NSUN3: variants seen among roughly 807,000 people sequenced by gnomAD.
NSUN3 encodes NOP2/Sun RNA methyltransferase 3, also known as tRNA (cytosine(34)-C(5))-methyltransferase, mitochondrial.
In NSUN3, 24 loss-of-function variants were observed where a neutral mutation model predicts 36.8. The observed-to-expected ratio is 0.65, with a 90% CI of 0.47 to 0.92. The LOEUF (loss-of-function observed/expected upper bound fraction) is 0.92. Among genes scored for constraint, NSUN3 ranks in the 40% least tolerant of loss-of-function variants. NSUN3 has a pLI of 0.00. For missense variants in NSUN3, 381 were observed against 392.8 expected (o/e 0.97, Z 0.25); for synonymous variants, 146 against 145.2 (o/e 1.01, Z -0.04).
At chr3:94,081,637 A>G (rs963472795) in intron 2 of NSUN3, 2 of 152,192 alleles carry the variant, frequency 1.3e-5, no homozygotes, top group Non-Finnish European at 2.9e-5. Flanking sequence ...TCAAGATTTA[A>G]CATATTGGAT....
chr3:94,079,278 A>G (rs1049003660), intron 2 of NSUN3, among the ~76,000 whole-genome samples: 2 of 152,136 alleles, frequency 1.3e-5, no homozygotes, highest in Non-Finnish European at 2.9e-5. Context: ...TGGCTTGTAC[A>G]ATTTCTGCCG....
intron 5 of NSUN3, among the ~76,000 whole-genome samples, chr3:94,114,698 G>T (rs1056676161): frequency 6.6e-6 from 1 of 152,120 alleles, no homozygotes; most frequent in Non-Finnish European, 1.5e-5. Context: ...TTTGGGATAC[G>T]ATTGATCCCA....
intron 5 of NSUN3, among the ~76,000 whole-genome samples, chr3:94,119,408 C>T (rs768649606): frequency 2.6e-5 from 4 of 152,052 alleles, no homozygotes; most frequent in Non-Finnish European, 4.4e-5. Flanking sequence ...TGGTTCAGTT[C>T]GTAAGAAAAA....
In NSUN3 at chr3:94,064,458, A is replaced by G. The variant is rs745745571; in HGVS notation, c.34A>G (p.Lys12Glu). 4 of 1,613,628 alleles carry G rather than the reference A, an allele frequency of 2.5e-6. No homozygotes were observed. Among genetic ancestry groups the G allele is most frequent in the Non-Finnish European group, 3.4e-6 (4 of 1,179,618 alleles). ...LTQLKAKSEG[K>E]LAKQICKVVL... is the part of the protein sequence containing the mutation. ...ATAGCTGAAAGCAAAATCAGAGGGG[A>G]AGCTTGCAAAACAGATTTGCAAAGT... is the stretch of plus-strand genomic sequence containing the variant. Residue 12 changes from lysine to glutamate, a missense_variant, in exon 2 of 6, where the codon AAG (lysine) becomes GAG (glutamate). Lys to Glu is a moderately conservative substitution (Grantham distance 56, BLOSUM62 1). Transcript: ENST00000314622.
intron 5 of NSUN3, among the ~76,000 whole-genome samples, chr3:94,118,716 C>A (rs1468359369): frequency 6.6e-6 from 1 of 151,920 alleles, no homozygotes; most frequent in Non-Finnish European, 1.5e-5. Context: ...TAATAAATAA[C>A]TAAATGGCAC....
At chr3:94,104,191 C>T (rs2077377181) in intron 5 of NSUN3, among the ~76,000 whole-genome samples, 1 of 152,112 alleles carries the variant, frequency 6.6e-6, no homozygotes, top group Non-Finnish European at 1.5e-5. Flanking sequence ...TGTGAGGCGA[C>T]CTGTGAACAT....
At chr3:94,118,373 A>T (rs2077448643) in intron 5 of NSUN3, among the ~76,000 whole-genome samples, 1 of 152,174 alleles carries the variant, frequency 6.6e-6, no homozygotes, top group Non-Finnish European at 1.5e-5. Context: ...TGATCAAATA[A>T]TACTTTTGCT....
At chr3:94,112,312 A>C (rs2077420941) in intron 5 of NSUN3, among the ~76,000 whole-genome samples, 1 of 152,190 alleles carries the variant, frequency 6.6e-6, no homozygotes, top group Non-Finnish European at 1.5e-5. Flanking sequence ...CTGGCTTTCT[A>C]ACCTGTAGTG....
At chr3:94,116,147 A>G (rs1392205782) in intron 5 of NSUN3, among the ~76,000 whole-genome samples, 1 of 152,098 alleles carries the variant, frequency 6.6e-6, no homozygotes, top group African/African-American at 2.4e-5. Context: ...CTTTAGTTGG[A>G]AGCCTGTGTA....
intron 2 of NSUN3, among the ~76,000 whole-genome samples, chr3:94,072,836 G>A (rs368309128): frequency 6.6e-6 from 1 of 151,882 alleles, no homozygotes; most frequent in Non-Finnish European, 1.5e-5. Context: ...TAAGTTCTGA[G>A]GTACATGTGC....
chr3:94,092,919 CAAA>C (rs1161530879), intron 3 of NSUN3, among the ~76,000 whole-genome samples: 3 of 24,632 alleles, frequency 1.2e-4, no homozygotes, highest in Non-Finnish European at 2.0e-4. Context: ...GACTGCATCT[CAAA>C]AAAAAAAAAA....
Position 94,130,528 on chromosome 3 carries a change from T to C in NSUN3, c.*4038T>C, listed in dbSNP as rs1235053320. ...GCGTGAATTTTTATACAAACACTTATGAGTTATATAAAATGTTCTAAAACT... is the reference window on the plus strand; with the variant it reads ...GCGTGAATTTTTATACAAACACTTACGAGTTATATAAAATGTTCTAAAACT... On this transcript the variant is annotated 3_prime_UTR_variant, in exon 6 of 6. Coordinates refer to ENST00000314622, the MANE Select transcript of NSUN3 (RefSeq NM_022072.5). 6.6e-6 allele frequency among the ~76,000 whole-genome samples: 1 copy of C among 152,218 alleles called. No homozygotes were observed. The highest frequency in any genetic ancestry group is 1.5e-5 in the Non-Finnish European group (1 of 68,030).
At chr3:94,075,286 C>G (rs796905221) in intron 2 of NSUN3, among the ~76,000 whole-genome samples, 1 of 152,008 alleles carries the variant, frequency 6.6e-6, no homozygotes, top group South Asian at 2.1e-4. Flanking sequence ...CACCATTTCA[C>G]AGACAGGAAA....
chr3:94,113,723 T>G (rs2077428056), intron 5 of NSUN3, among the ~76,000 whole-genome samples: 1 of 152,210 alleles, frequency 6.6e-6, no homozygotes, highest in African/African-American at 2.4e-5. Context: ...TGAGTCAAGC[T>G]TCTGAGGAAA....
chr3:94,074,575 G>T (rs1003964797), intron 2 of NSUN3, among the ~76,000 whole-genome samples: 2 of 152,148 alleles, frequency 1.3e-5, no homozygotes, highest in East Asian at 3.8e-4. Context: ...AATTGTGGAT[G>T]GGAGTTCACT....
At chr3:94,120,000 A>G (rs1487708263) in intron 5 of NSUN3, among the ~76,000 whole-genome samples, 2 of 152,294 alleles carry the variant, frequency 1.3e-5, no homozygotes, top group Non-Finnish European at 1.5e-5. Context: ...CAGAAGAATC[A>G]GCCAACATTG....
At chr3:94,098,406 G>GA (rs2077352043) in intron 5 of NSUN3, among the ~76,000 whole-genome samples, 1 of 152,102 alleles carries the variant, frequency 6.6e-6, no homozygotes, top group Non-Finnish European at 1.5e-5. Flanking sequence ...CATCCGAAAT[G>GA]AAAATCTCGT....
chr3:94,116,008 G>GGTTTT (rs138660032), intron 5 of NSUN3, among the ~76,000 whole-genome samples: 2,101 of 152,092 alleles, frequency 0.014, 48 homozygotes, highest in African/African-American at 0.047. Flanking sequence ...AGACATTTTA[G>GGTTTT]GTTTTGTTTT....
At chr3:94,111,202 C>G (rs983725146) in intron 5 of NSUN3, among the ~76,000 whole-genome samples, 1 of 151,966 alleles carries the variant, frequency 6.6e-6, no homozygotes, top group Non-Finnish European at 1.5e-5. Flanking sequence ...TAAAAATATG[C>G]TATAAAAGAT....
Sources: gnomAD v4.1 joint callset for allele counts (sites outside exome capture counted in the v4.1 genomes callset) on GRCh38, gnomAD v4.1.1 for gene constraint, MANE v1.5 for transcripts, NCBI Gene and HGNC (gene_info 2026-07-23, HGNC 2026-07-21) for gene names.